CLN6: variants seen among roughly 807,000 people sequenced by gnomAD.
CLN6 encodes the protein CLN6 transmembrane ER protein, also known as ceroid-lipofuscinosis neuronal protein 6.
Under a neutral mutation model 33.3 loss-of-function variants are expected in CLN6, and 22 were observed. The observed-to-expected ratio is 0.66, with a 90% confidence interval of 0.47 to 0.94. CLN6 has a LOEUF of 0.94. Among genes scored for constraint, CLN6 ranks in the 40% least tolerant of loss-of-function variants. The pLI is 0.00. For synonymous variants in CLN6, 201 were observed against 174.6 expected (o/e 1.15, Z -1.19); for missense variants, 387 against 417.1 (o/e 0.93, Z 0.63).
In CLN6 at chr15:68,254,302, G is replaced by A. The variant is rs570683743; in HGVS notation, c.179+2388C>T. Among the ~76,000 whole-genome samples, 4 of 152,308 alleles carry A rather than the reference G, an allele frequency of 2.6e-5. No individual in the cohort carries two copies. The East Asian group carries it at 7.7e-4, about 29-fold the overall frequency. ...ATAGGGAGCATACAGGTGGATGCAT[G>A]AGCAGGTAATGTTCTCGTTCTTAAG... On this transcript the variant is annotated intron_variant, in intron 1 of 6. Transcript: ENST00000538696.
chr15:68,254,020 G>A (rs1892407301), intron 1 of CLN6, among the ~76,000 whole-genome samples: 1 of 152,014 alleles, frequency 6.6e-6, no homozygotes, highest in Non-Finnish European at 1.5e-5. Flanking sequence ...TGGGACTACA[G>A]GCGCCCACCA....
At chr15:68,240,556 G>A (rs905095693) in intron 1 of CLN6, among the ~76,000 whole-genome samples, 4 of 152,144 alleles carry the variant, frequency 2.6e-5, no homozygotes, top group Non-Finnish European at 5.9e-5. Flanking sequence ...AGCTGAGATC[G>A]TGCCACTGCA....
chr15:68,221,215 C>A, intron 1 of CLN6, among the ~76,000 whole-genome samples: 1 of 120,934 alleles, frequency 8.3e-6, no homozygotes, highest in Admixed American at 8.5e-5. Context: ...AAGGGATCTC[C>A]CTCCCCCCTC....
chr15:68,235,587 A>AATAAATAAATAAAT (rs1862434089), intron 1 of CLN6, among the ~76,000 whole-genome samples: 3 of 95,086 alleles, frequency 3.2e-5, no homozygotes, highest in African/African-American at 1.4e-4. Flanking sequence ...AATAAAAATA[A>AATAAATAAATAAAT]ATATATATAT....
At position 68,238,370 on chromosome 15, in the gene CLN6, C is replaced by G. The variant is rs572149728; in HGVS notation, c.179+18320G>C. ...AGTGAGTCCAGATCGCGCCACTGCA[C>G]TCCAGCTGGCGACAGAGTGAGACTC... On this transcript the variant is annotated intron_variant, in intron 1 of 6. Transcript: ENST00000538696. Among the ~76,000 whole-genome samples, 35 of 151,792 alleles carry G rather than the reference C, an allele frequency of 2.3e-4. No individual in the cohort carries two copies. The East Asian group carries it at 6.8e-3, about 29-fold the overall frequency.
At chr15:68,224,374 C>A (rs575350802) in intron 1 of CLN6, among the ~76,000 whole-genome samples, 15 of 150,918 alleles carry the variant, frequency 9.9e-5, no homozygotes, top group South Asian at 2.1e-4. Flanking sequence ...GTAATCCCAG[C>A]AGTTTGGGAG....
upstream of CLN6, among the ~76,000 whole-genome samples, chr15:68,230,588 C>T (rs558204605): frequency 2.6e-5 from 4 of 152,302 alleles, no homozygotes; most frequent in Admixed American, 6.5e-5. This position sits in a 1 kb window ranked among gnomAD's most constrained non-coding sequence, Gnocchi z 4.0. Flanking sequence ...AGCTGTGATG[C>T]GGGCAAATGG....
At chr15:68,238,859 AAAAATTGTCT>A (rs1892253047) in intron 1 of CLN6, among the ~76,000 whole-genome samples, 1 of 152,244 alleles carries the variant, frequency 6.6e-6, no homozygotes, top group Non-Finnish European at 1.5e-5. Flanking sequence ...AAATAATTCC[AAAAATTGTCT>A]GCAAAAACTT....
intron 2 of CLN6, chr15:68,214,934 G>A (rs10431808): frequency 0.55 from 91,580 of 167,816 alleles, 25,704 homozygotes; most frequent in African/African-American, 0.61. Flanking sequence ...CAAAGTACAC[G>A]TTAGGAGACA....
At position 68,246,894 on chromosome 15, in the gene CLN6, G is replaced by T. The variant is rs555514660; in HGVS notation, c.179+9796C>A. ...AAATGGGCTGGGCACGGTGGCTCAT[G>T]ACTGTAATCCTAGCACTTTGGGAGG... is the stretch of plus-strand genomic sequence containing the variant. On this transcript the variant is annotated intron_variant, in intron 1 of 6. Coordinates refer to the CLN6 transcript ENST00000538696. This position sits in a 1 kb window ranked among gnomAD's most constrained non-coding sequence, Gnocchi z 4.5. Among the ~76,000 whole-genome samples the T allele has an allele frequency of 2.0e-5, 3 of 152,228 alleles. No homozygotes were observed. The highest frequency in any genetic ancestry group is 1.3e-4 in the Admixed American group (2 of 15,286).
chr15:68,218,431 T>G, intron 2 of CLN6, 105 bp downstream of exon 2: 1 of 845,522 alleles, frequency 1.2e-6, no homozygotes, highest in Non-Finnish European at 2.0e-6. Context: ...CTCAGTTTAC[T>G]AGGAGATAAA....
rs1209007212 is a variant in CLN6 at position 68,242,764 on chromosome 15, A to C, written c.179+13926T>G. 6.6e-6 allele frequency among the ~76,000 whole-genome samples: 1 copy of C among 152,180 alleles called. No homozygotes were observed. Among genetic ancestry groups the C allele is most frequent in the Non-Finnish European group, 1.5e-5 (1 of 68,024 alleles). On this transcript the variant is annotated intron_variant, in intron 1 of 6. Coordinates refer to the CLN6 transcript ENST00000538696. This position sits in a 1 kb window ranked among gnomAD's most constrained non-coding sequence, Gnocchi z 5.0. ...GACTTGCTAAATGCTTTAAGGTCAA[A>C]CTGTTTCTTTGACTTTTGAAAATGG...
chr15:68,243,767 A>C lies in CLN6; in HGVS notation c.179+12923T>G, dbSNP rs1053221577. 5.3e-5 allele frequency among the ~76,000 whole-genome samples: 8 copies of C among 151,388 alleles called. 1 individual carries two copies. Among genetic ancestry groups the C allele is most frequent in the Admixed American group, 4.0e-4 (6 of 15,170 alleles). On this transcript the variant is annotated intron_variant, in intron 1 of 6. Transcript: ENST00000538696. ...AAGACTCTATCTCAAAAAAAAAAAA[A>C]AAACACAAAAAAAAGGATGGGCATG...
At position 68,241,331 on chromosome 15, in the gene CLN6, G is replaced by A. The variant is rs1892278728; in HGVS notation, c.179+15359C>T. Among the ~76,000 whole-genome samples the A allele has an allele frequency of 6.6e-6, 1 of 151,686 alleles. No homozygotes were observed. The highest frequency in any genetic ancestry group is 2.4e-5 in the African/African-American group (1 of 41,346). On this transcript the variant is annotated intron_variant, in intron 1 of 6. Coordinates refer to the CLN6 transcript ENST00000538696. The surrounding 1 kb of genome is among the most constrained non-coding windows in gnomAD (Gnocchi z 4.2). ...TCCAGAACCCAAATATGAGGATGAG[G>A]CAGTTCCTGGAGTCATAGAGAAGTG... is the stretch of plus-strand genomic sequence containing the variant.
chr15:68,254,467 G>A, intron 1 of CLN6: 1 of 312,806 alleles, frequency 3.2e-6, no homozygotes, highest in South Asian at 3.1e-5. Context: ...GGAGTTTGAA[G>A]ACTTAGTATG....
At position 68,208,106 on chromosome 15, in the gene CLN6, A is replaced by ACCCCCCCCAGCCC; in HGVS notation, c.*33_*34insGGGCTGGGGGGGG. ...GATGCCCTCCATGGCCCACCCTCCC[A>ACCCCCCCCAGCCC]CCCAGCAGAGCGCCAGAGCCTGGTG... On this transcript the variant is annotated 3_prime_UTR_variant, in exon 7 of 7. Transcript: ENST00000249806. This position sits in a 1 kb window ranked among gnomAD's most constrained non-coding sequence, Gnocchi z 5.8. 2.3e-6 allele frequency: 1 copy of ACCCCCCCCAGCCC among 441,378 alleles called. No individual in the cohort carries two copies. The highest frequency in any genetic ancestry group is 3.9e-6 in the Non-Finnish European group (1 of 255,546). The allele number at this position is 441,378 out of a possible 1,614,324, so 27.3% of individuals were successfully genotyped here. A position where few individuals can be genotyped will look rare whatever the true frequency, so the allele number is the denominator to read the frequency against.
chr15:68,217,977 C>T (rs1023726236), intron 2 of CLN6: 3 of 155,882 alleles, frequency 1.9e-5, no homozygotes, highest in Non-Finnish European at 4.3e-5. Flanking sequence ...CAGCATTAAT[C>T]TTGTCTGTGG....
rs1217691715 is a variant in CLN6 at position 68,236,907 on chromosome 15, C to T, written c.180-18257G>A. Among the ~76,000 whole-genome samples, 9 of 152,110 alleles carry T rather than the reference C, an allele frequency of 5.9e-5. 1 individual carries two copies. The South Asian group carries it at 1.5e-3, about 25-fold the overall frequency. ...GCGCGGTGGCTCACGCCTGTAATCC[C>T]AGCACTTTGGGAGGCCGAGGCGGGT... On this transcript the variant is annotated intron_variant, in intron 1 of 6. Transcript: ENST00000538696. This position sits in a 1 kb window ranked among gnomAD's most constrained non-coding sequence, Gnocchi z 4.5.
intron 1 of CLN6, among the ~76,000 whole-genome samples, chr15:68,221,230 A>ACCCCTCCCCCTCTCCCCC (rs2093234890): frequency 4.1e-5 from 1 of 24,574 alleles, no homozygotes; most frequent in African/African-American, 1.5e-4. Context: ...CCCCTCCCCC[A>ACCCCTCCCCCTCTCCCCC]ACCCTCCCCC....
Sources: gnomAD v4.1 joint callset for allele counts (sites outside exome capture counted in the v4.1 genomes callset) on GRCh38, gnomAD v4.1.1 for gene constraint, Gnocchi (gnomAD v3.1) non-coding constraint, MANE v1.5 for transcripts, NCBI Gene and HGNC (gene_info 2026-07-23, HGNC 2026-07-21) for gene names.